The following NCALD variants were observed in gnomAD, a reference collection of about 807,000 sequenced individuals.
NCALD encodes neurocalcin delta.
In NCALD, 10 loss-of-function variants were observed where a neutral mutation model predicts 18.6. The ratio of observed to expected loss-of-function variants is 0.54; its 90% CI spans 0.33 to 0.91. NCALD has a LOEUF of 0.91. Ranked by LOEUF, NCALD falls within the 40% of genes least tolerant of loss-of-function variation. NCALD has a pLI of 0.03. For synonymous variants in NCALD, 88 were observed against 87.4 expected (o/e 1.01, Z -0.04); for missense variants, 184 against 247.6 (o/e 0.74, Z 1.72).
chr8:101,810,740 CCA>C (rs1254339243), intron 4 of NCALD, among the ~76,000 whole-genome samples: 1 of 152,012 alleles, frequency 6.6e-6, no homozygotes, highest in East Asian at 1.9e-4. Context: ...AAAGCACACA[CCA>C]CATACTCCAA....
At chr8:101,854,487 C>T (rs889819700) in intron 4 of NCALD, among the ~76,000 whole-genome samples, 3 of 152,130 alleles carry the variant, frequency 2.0e-5, no homozygotes, top group African/African-American at 7.2e-5. Flanking sequence ...CTACTTGCTG[C>T]CTTTCCACTT....
rs1398845820 is a variant in NCALD at position 101,922,910 on chromosome 8, T to C, written c.-156-7052A>G. 2.0e-5 allele frequency among the ~76,000 whole-genome samples: 3 copies of C among 152,280 alleles called. No homozygotes were observed. In the East Asian group the frequency reaches 5.8e-4, roughly 29 times the overall value. On this transcript the variant is annotated intron_variant, in intron 2 of 6. Transcript: ENST00000311028. ...ACACTATACTGTATTAAAAATCACA[T>C]GAATGTGGTCTCTATTTCTCTCTCT...
chr8:101,944,900 AT>A (rs1272262378), intron 2 of NCALD, among the ~76,000 whole-genome samples: 2 of 152,138 alleles, frequency 1.3e-5, no homozygotes, highest in African/African-American at 4.8e-5. Context: ...CCACACCTCT[AT>A]AAATAATCCC....
rs1479665771 is a variant in NCALD at position 101,689,393 on chromosome 8, C to T, written c.498G>A (p.Leu166=). 18 of 1,607,572 alleles carry T rather than the reference C, an allele frequency of 1.1e-5. No homozygotes were observed. The highest frequency in any genetic ancestry group is 1.5e-5 in the Non-Finnish European group (18 of 1,177,084). Residue 166 remains leucine, a synonymous_variant, in exon 4 of 4, where the codon CTG becomes CTA. Coordinates refer to ENST00000220931, the MANE Select transcript of NCALD (RefSeq NM_032041.3). This position sits in a 1 kb window ranked among gnomAD's most constrained non-coding sequence, Gnocchi z 4.4. ...MDTNRDGKLS[L]EEFIRGAKSD... is the part of the protein sequence containing the mutation. ...TTTTGGCTCCTCGGATGAACTCTTC[C>T]AGGGAGAGTTTTCCTAGGAAGCAAG... is the stretch of plus-strand genomic sequence containing the variant.
chr8:101,985,984 C>T (rs574826048), intron 2 of NCALD, among the ~76,000 whole-genome samples: 1 of 152,252 alleles, frequency 6.6e-6, no homozygotes, highest in African/African-American at 2.4e-5. Flanking sequence ...ATGATCATTC[C>T]TTTTTGTTTA....
At chr8:102,007,397 T>G (rs1431011756) in intron 2 of NCALD, among the ~76,000 whole-genome samples, 1 of 152,216 alleles carries the variant, frequency 6.6e-6, no homozygotes, top group Non-Finnish European at 1.5e-5. Context: ...AAGAAGCAGA[T>G]TCTCAGGTGC....
At chr8:102,063,206 G>A (rs1459770613) in intron 1 of NCALD, among the ~76,000 whole-genome samples, 4 of 152,130 alleles carry the variant, frequency 2.6e-5, no homozygotes, top group Admixed American at 6.5e-5. Flanking sequence ...ATACGGTGCC[G>A]ACTGCAATGG....
At chr8:102,040,449 G>T (rs1823009244) in intron 1 of NCALD, among the ~76,000 whole-genome samples, 1 of 149,458 alleles carries the variant, frequency 6.7e-6, no homozygotes, top group Non-Finnish European at 1.5e-5. Flanking sequence ...ACTCCAGCCT[G>T]GGTGATAGAG....
At chr8:101,936,317 A>G (rs1335720137) in intron 2 of NCALD, among the ~76,000 whole-genome samples, 1 of 152,194 alleles carries the variant, frequency 6.6e-6, no homozygotes, top group African/African-American at 2.4e-5. Context: ...AGATTTAATA[A>G]TCATGGTTAG....
rs372903829 is a variant in NCALD at position 101,929,228 on chromosome 8, AAGGAGG to A, written c.-156-13376_-156-13371del. ...GTTCTAGCCCCTAAAGAAGGGGAAG[AAGGAGG>A]AGGAGGAGGAGGAGGAGGAAGGGAT... On this transcript the variant is annotated intron_variant, in intron 2 of 6. Coordinates refer to the NCALD transcript ENST00000311028. 4.9e-4 allele frequency among the ~76,000 whole-genome samples: 53 copies of A among 108,782 alleles called. No homozygotes were observed. The South Asian group carries it at 0.01, about 21-fold the overall frequency. The allele number at this position is 108,782 out of a possible 152,430, so 71.4% of individuals were successfully genotyped here. A position where few individuals can be genotyped will look rare whatever the true frequency, so the allele number is the denominator to read the frequency against.
At chr8:101,884,404 C>T (rs1381303940) in intron 4 of NCALD, among the ~76,000 whole-genome samples, 1 of 152,194 alleles carries the variant, frequency 6.6e-6, no homozygotes, top group African/African-American at 2.4e-5. Context: ...TGCCACCTAA[C>T]ACAGTGCCTG....
At chr8:102,029,170 T>C (rs1476535044) in intron 1 of NCALD, 1 of 152,024 alleles carries the variant, frequency 6.6e-6, no homozygotes, top group Non-Finnish European at 1.5e-5. Flanking sequence ...AGTAGTAAAA[T>C]GTAGGGTGTA....
intron 2 of NCALD, among the ~76,000 whole-genome samples, chr8:101,983,178 G>T (rs1359711161): frequency 6.6e-6 from 1 of 152,158 alleles, no homozygotes; most frequent in Non-Finnish European, 1.5e-5. Context: ...TACCTTTGGG[G>T]TTCTGTCCCT....
chr8:101,964,367 T>C (rs769634301), intron 2 of NCALD, among the ~76,000 whole-genome samples: 51 of 152,212 alleles, frequency 3.4e-4, no homozygotes, highest in Non-Finnish European at 6.6e-4. Flanking sequence ...TCTGATTTCA[T>C]TGGTGTAATC....
intron 4 of NCALD, among the ~76,000 whole-genome samples, chr8:101,886,169 T>C (rs1816668215): frequency 6.6e-6 from 1 of 152,226 alleles, no homozygotes; most frequent in African/African-American, 2.4e-5. Flanking sequence ...GACTACCAAA[T>C]TTGGAATAAA....
At chr8:101,901,111 C>T (rs1377603654) in intron 3 of NCALD, among the ~76,000 whole-genome samples, 1 of 151,738 alleles carries the variant, frequency 6.6e-6, no homozygotes, top group Non-Finnish European at 1.5e-5. Context: ...CTCTCTCTGT[C>T]CTTGGTAATT....
At chr8:102,053,190 C>T (rs971530798) in intron 1 of NCALD, among the ~76,000 whole-genome samples, 1 of 152,164 alleles carries the variant, frequency 6.6e-6, no homozygotes, top group African/African-American at 2.4e-5. Context: ...ATGTCATAAT[C>T]TCATTTCATG....
intron 1 of NCALD, among the ~76,000 whole-genome samples, chr8:102,066,255 C>T (rs979917163): frequency 6.6e-6 from 1 of 152,248 alleles, no homozygotes; most frequent in African/African-American, 2.4e-5. Context: ...CCACTCCCTC[C>T]TCACTCAGTC....
intron 2 of NCALD, among the ~76,000 whole-genome samples, chr8:101,922,433 T>C (rs961959917): frequency 6.6e-6 from 1 of 152,192 alleles, no homozygotes; most frequent in Non-Finnish European, 1.5e-5. Flanking sequence ...TTGAAACACA[T>C]CCTATCTTAC....
Sources: gnomAD v4.1 joint callset for allele counts (sites outside exome capture counted in the v4.1 genomes callset) on GRCh38, gnomAD v4.1.1 for gene constraint, Gnocchi (gnomAD v3.1) non-coding constraint, MANE v1.5 for transcripts, NCBI Gene and HGNC (gene_info 2026-07-23, HGNC 2026-07-21) for gene names.